The following PKHD1 variants were observed in gnomAD, a reference collection of about 807,000 sequenced individuals.
PKHD1 encodes the protein fibrocystin.
In PKHD1, 291 loss-of-function variants were observed where a neutral mutation model predicts 412.0. The observed-to-expected ratio is 0.71, with a 90% CI of 0.64 to 0.78. PKHD1 has a LOEUF of 0.78. Among genes scored for constraint, PKHD1 ranks in the 30% least tolerant of loss-of-function variants. PKHD1 has a pLI of 0.00. For missense variants in PKHD1, 4,825 were observed against 4,950.7 expected, an observed-to-expected ratio of 0.97 and a Z score of 0.76; for synonymous variants, 1,777 against 1,821.5, an observed-to-expected ratio of 0.98 and a Z score of 0.62.
chr6:51,885,300 A>G (rs1042968163), intron 45 of PKHD1, among the ~76,000 whole-genome samples: 1 of 152,196 alleles, frequency 6.6e-6, no homozygotes, highest in Admixed American at 6.5e-5. Flanking sequence ...TAAGAAAAAA[A>G]TAGAAGAAAA....
chr6:51,833,959 C>T (rs1327752086), intron 51 of PKHD1, among the ~76,000 whole-genome samples: 7 of 152,216 alleles, frequency 4.6e-5, no homozygotes, highest in Admixed American at 2.0e-4. Flanking sequence ...CTCCTTGCTT[C>T]CCTGTACAAA....
At chr6:51,966,531 TA>T (rs1162047656) in intron 35 of PKHD1, among the ~76,000 whole-genome samples, 1 of 152,118 alleles carries the variant, frequency 6.6e-6, no homozygotes, top group Non-Finnish European at 1.5e-5. Flanking sequence ...TACTCACAAC[TA>T]AAAAATGTAG....
At chr6:51,907,725 C>T (rs928209342) in intron 40 of PKHD1, among the ~76,000 whole-genome samples, 2 of 152,044 alleles carry the variant, frequency 1.3e-5, no homozygotes, top group Non-Finnish European at 2.9e-5. Context: ...TAATTAGCTG[C>T]GTAGGACATG....
At chr6:52,062,135 G>T (rs957480679) in intron 14 of PKHD1, among the ~76,000 whole-genome samples, 3 of 152,166 alleles carry the variant, frequency 2.0e-5, no homozygotes, top group African/African-American at 7.2e-5. Flanking sequence ...GCTCCCTCAT[G>T]TACCCAAAGG....
In PKHD1 at chr6:51,620,650, G is replaced by C. The variant is rs963659602; in HGVS notation, c.11786-1130C>G. On this transcript the variant is annotated intron_variant, in intron 66 of 66. Transcript: ENST00000371117. The stretch of plus-strand genomic sequence containing the variant: ...TCCTGAGTTCATTGAGAGCTGTCTT[G>C]GTTTGTGTTAGGAGATAGTAATCCT... Among the ~76,000 whole-genome samples, 16 of 151,694 alleles carry C rather than the reference G, an allele frequency of 1.1e-4. 1 individual carries two copies. The East Asian group carries it at 3.1e-3, about 29-fold the overall frequency.
At chr6:52,041,234 C>T (rs1023884952) in intron 27 of PKHD1, among the ~76,000 whole-genome samples, 1 of 152,220 alleles carries the variant, frequency 6.6e-6, no homozygotes, top group African/African-American at 2.4e-5. Flanking sequence ...AAATTTCTTG[C>T]TGATAGGCCC....
At chr6:51,938,596 T>C (rs764360589) in intron 36 of PKHD1, among the ~76,000 whole-genome samples, 11 of 150,276 alleles carry the variant, frequency 7.3e-5, no homozygotes, top group Non-Finnish European at 1.3e-4. Flanking sequence ...GACTCTCTTT[T>C]CGGACTCAGC....
chr6:51,963,434 T>A (rs1249673694), intron 35 of PKHD1, among the ~76,000 whole-genome samples: 1 of 152,140 alleles, frequency 6.6e-6, no homozygotes, highest in Non-Finnish European at 1.5e-5. Context: ...GATGTACTCA[T>A]GCTTTTACAC....
intron 35 of PKHD1, among the ~76,000 whole-genome samples, chr6:51,962,126 A>G (rs1357583267): frequency 1.3e-5 from 2 of 152,110 alleles, no homozygotes; most frequent in African/African-American, 2.4e-5. Flanking sequence ...AGGATCGCCC[A>G]AAGACTAGCA....
At chr6:51,782,318 G>A (rs1792166175) in intron 53 of PKHD1, among the ~76,000 whole-genome samples, 1 of 152,100 alleles carries the variant, frequency 6.6e-6, no homozygotes, top group Non-Finnish European at 1.5e-5. Flanking sequence ...GATGTTGTGA[G>A]AGAACTAATA....
intron 55 of PKHD1, among the ~76,000 whole-genome samples, chr6:51,755,750 C>G (rs545847098): frequency 6.6e-6 from 1 of 152,282 alleles, no homozygotes; most frequent in Non-Finnish European, 1.5e-5. Context: ...AGAGTCTCCT[C>G]TATAGTGAAT....
chr6:51,872,779 A>G (rs903380469), intron 46 of PKHD1, among the ~76,000 whole-genome samples: 3 of 152,088 alleles, frequency 2.0e-5, no homozygotes, highest in Admixed American at 6.5e-5. Context: ...CAAAATTTCA[A>G]TGCAAAATGA....
intron 40 of PKHD1, among the ~76,000 whole-genome samples, chr6:51,907,426 C>T (rs1182114221): frequency 2.0e-5 from 3 of 152,126 alleles, no homozygotes; most frequent in African/African-American, 7.2e-5. Context: ...TTAACCCATC[C>T]ATATCTACTT....
intron 52 of PKHD1, among the ~76,000 whole-genome samples, chr6:51,828,044 C>T (rs1321686551): frequency 1.3e-5 from 2 of 152,040 alleles, no homozygotes; most frequent in African/African-American, 4.8e-5. Flanking sequence ...ACAGGAGATA[C>T]TCAACAAATA....
chr6:51,848,754 C>T (rs958241687), intron 49 of PKHD1, among the ~76,000 whole-genome samples: 1 of 152,004 alleles, frequency 6.6e-6, no homozygotes, highest in Non-Finnish European at 1.5e-5. Flanking sequence ...CTTCTGTCTC[C>T]CTAAGATAGG....
intron 35 of PKHD1, among the ~76,000 whole-genome samples, chr6:51,979,670 G>A (rs547709474): frequency 1.3e-4 from 19 of 150,642 alleles, no homozygotes; most frequent in Admixed American, 7.3e-4. Context: ...TGACTCCAGT[G>A]CCTAGAGAAC....
At position 51,831,008 on chromosome 6, in the gene PKHD1, T is replaced by A. The variant is rs758233215; in HGVS notation, c.8174-19A>T. The A allele has an allele frequency of 2.5e-4, 394 of 1,598,668 alleles. No homozygotes were observed. The highest frequency in any genetic ancestry group is 2.9e-4 in the Non-Finnish European group (337 of 1,167,572). On this transcript the variant is annotated intron_variant, in intron 51 of 66. Coordinates refer to ENST00000371117, the MANE Select transcript of PKHD1 (RefSeq NM_138694.4). The stretch of plus-strand genomic sequence containing the variant: ...GTAGAAGCTAGAAAATAAAAAAAAA[T>A]TTTGAAAATCTAATCCATTGTGATA...
chr6:51,655,298 A>T (rs764937898), intron 61 of PKHD1, among the ~76,000 whole-genome samples: 3 of 152,110 alleles, frequency 2.0e-5, no homozygotes, highest in Non-Finnish European at 4.4e-5. Flanking sequence ...GGTGCCCAGG[A>T]TACATAAAGA....
intron 52 of PKHD1, among the ~76,000 whole-genome samples, chr6:51,817,177 A>G (rs1354273394): frequency 1.3e-5 from 2 of 152,040 alleles, no homozygotes; most frequent in Admixed American, 1.3e-4. Context: ...ATTTTTCTCT[A>G]GGAGCATTTA....
Sources: allele counts gnomAD v4.1 joint callset (sites outside exome capture counted in the v4.1 genomes callset), GRCh38; gene constraint gnomAD v4.1.1; transcripts MANE v1.5; gene names NCBI Gene and HGNC (gene_info 2026-07-23, HGNC 2026-07-21).